Variants in SUMF1 observed in about 807,000 individuals in gnomAD.
The protein encoded by SUMF1 is formylglycine-generating enzyme.
Under a neutral mutation model 47.6 loss-of-function variants are expected in SUMF1, and 48 were observed. The observed-to-expected ratio is 1.01, with a 90% CI of 0.80 to 1.28. SUMF1 has a LOEUF of 1.28. SUMF1 is among the 50% of genes most tolerant of loss of function. SUMF1 has a pLI of 0.00. For missense variants in SUMF1, 571 were observed against 485.4 expected, an observed-to-expected ratio of 1.18 and a Z score of -1.66; for synonymous variants, 230 against 192.1, an observed-to-expected ratio of 1.20 and a Z score of -1.63.
intron 7 of SUMF1, among the ~76,000 whole-genome samples, chr3:4,386,310 C>T (rs892135251): frequency 1.3e-5 from 2 of 152,124 alleles, no homozygotes; most frequent in Non-Finnish European, 2.9e-5. Flanking sequence ...GCTTTTAGCA[C>T]ACATGTACTA....
intron 8 of SUMF1, among the ~76,000 whole-genome samples, chr3:4,107,963 A>G (rs537902731): frequency 3.3e-4 from 50 of 152,230 alleles, no homozygotes; most frequent in African/African-American, 1.2e-3. Flanking sequence ...AAAGAAAGAG[A>G]TAAGGAGGTC....
At chr3:4,210,151 T>A (rs948407137) in intron 8 of SUMF1, among the ~76,000 whole-genome samples, 2 of 152,144 alleles carry the variant, frequency 1.3e-5, no homozygotes, top group Non-Finnish European at 2.9e-5. Context: ...TGCCTCAGCC[T>A]CCCAAAGTGC....
intron 8 of SUMF1, among the ~76,000 whole-genome samples, chr3:4,142,031 C>A (rs1033316858): frequency 6.6e-6 from 1 of 152,074 alleles, no homozygotes; most frequent in African/African-American, 2.4e-5. Context: ...TAACTGTGTG[C>A]ATGAATGATT....
intron 9 of SUMF1, among the ~76,000 whole-genome samples, chr3:4,044,967 C>T (rs188380400): frequency 2.4e-4 from 37 of 152,274 alleles, no homozygotes; most frequent in Admixed American, 1.1e-3. Context: ...AGTCCAACAA[C>T]CAGCTCTGCA....
chr3:4,290,124 A>G (rs1203818768), intron 8 of SUMF1, among the ~76,000 whole-genome samples: 1 of 152,222 alleles, frequency 6.6e-6, no homozygotes, highest in East Asian at 1.9e-4. Flanking sequence ...CTTAAAAGAC[A>G]TACCCAATTT....
At position 4,383,159 on chromosome 3, in the gene SUMF1, A is replaced by G. The variant is rs144667742; in HGVS notation, c.955-6770T>C. Among the ~76,000 whole-genome samples the G allele has an allele frequency of 5.6e-3, 849 of 152,158 alleles. 7 individuals are homozygous for G. The highest frequency in any genetic ancestry group is 0.02 in the African/African-American group (810 of 41,452). ...TTTGGGAGGCCAAGGCAGACGGATC[A>G]CTGGAGGTCAGGAGCTCAAGACCAT... is the stretch of plus-strand genomic sequence containing the variant. On this transcript the variant is annotated intron_variant, in intron 7 of 8. Coordinates refer to ENST00000272902, the MANE Select transcript of SUMF1 (RefSeq NM_182760.4).
At position 4,384,028 on chromosome 3, in the gene SUMF1, C is replaced by T. The variant is rs192961187; in HGVS notation, c.955-7639G>A. ...ACCATTATTGCTTTAAACAATCTTA[C>T]GTTTTTAAAAGGAATGAAGTGAAAA... On this transcript the variant is annotated intron_variant, in intron 7 of 8. Coordinates refer to ENST00000272902, the MANE Select transcript of SUMF1 (RefSeq NM_182760.4). Among the ~76,000 whole-genome samples, 8 of 142,972 alleles carry T rather than the reference C, an allele frequency of 5.6e-5. No homozygotes were observed. The South Asian group carries it at 8.6e-4, about 15-fold the overall frequency. The allele number at this position is 142,972 out of a possible 152,430, so 93.8% of individuals were successfully genotyped here.
chr3:4,271,466 TATAGATAGATAGATAGATAG>T (rs3048196), intron 8 of SUMF1, among the ~76,000 whole-genome samples: 47 of 108,484 alleles, frequency 4.3e-4, no homozygotes, highest in African/African-American at 7.1e-4. Flanking sequence ...TTATACTATC[TATAGATAGATAGATAGATAG>T]ATAGATAGAT....
At chr3:4,116,988 C>T (rs921864826) in intron 8 of SUMF1, among the ~76,000 whole-genome samples, 2 of 152,002 alleles carry the variant, frequency 1.3e-5, no homozygotes, top group Non-Finnish European at 1.5e-5. Flanking sequence ...CAAAACAAAG[C>T]TCTACTTATA....
intron 9 of SUMF1, among the ~76,000 whole-genome samples, chr3:4,062,929 A>G (rs1289075351): frequency 6.6e-6 from 1 of 152,130 alleles, no homozygotes; most frequent in Non-Finnish European, 1.5e-5. Flanking sequence ...GGCCTGCTTG[A>G]TGGCCACCAG....
At chr3:4,369,691 G>A (rs180968899) in intron 8 of SUMF1, among the ~76,000 whole-genome samples, 7 of 152,288 alleles carry the variant, frequency 4.6e-5, no homozygotes, top group Admixed American at 3.9e-4. Flanking sequence ...GCCAATACAG[G>A]TTGCTTAAAT....
rs573542864 is a variant in SUMF1, at chr3:4,088,509, G to A, written c.1015-19764C>T. Among the ~76,000 whole-genome samples the A allele has an allele frequency of 1.1e-4, 16 of 151,976 alleles. No homozygotes were observed. In the South Asian group the frequency reaches 2.1e-3, roughly 20 times the overall value. ...CCACAAACACCACTAATATCACCAC[G>A]TCTCTACTTCTTCCCTCTCCTCCCT... On this transcript the variant is annotated intron_variant and NMD_transcript_variant, in intron 8 of 12. Transcript: ENST00000448413.
intron 8 of SUMF1, chr3:4,312,876 A>T (rs1307135479): frequency 6.3e-7 from 1 of 1,589,122 alleles, no homozygotes; most frequent in Non-Finnish European, 8.6e-7. Flanking sequence ...GTGCTGACTT[A>T]CAGTGTGTAT....
At chr3:4,044,790 C>T (rs1034019411) in intron 9 of SUMF1, among the ~76,000 whole-genome samples, 1 of 152,196 alleles carries the variant, frequency 6.6e-6, no homozygotes, top group African/African-American at 2.4e-5. Flanking sequence ...CTTTTGGCTG[C>T]CTTGCAGGCA....
rs545271418 is a variant in SUMF1 at position 4,172,335 on chromosome 3, C to T, written c.1015-103590G>A. ...AGAGACATGCAGGAAATATGATAAG[C>T]TTGATTTTAGACACGTTGAGTTTTT... On this transcript the variant is annotated intron_variant and NMD_transcript_variant, in intron 8 of 12. Transcript: ENST00000448413. Among the ~76,000 whole-genome samples the T allele has an allele frequency of 5.1e-4, 77 of 152,066 alleles. 1 individual carries two copies. The highest frequency in any genetic ancestry group is 1.1e-3 in the Non-Finnish European group (74 of 68,010).
intron 8 of SUMF1, among the ~76,000 whole-genome samples, chr3:4,094,150 G>A (rs1692849015): frequency 6.6e-6 from 1 of 152,098 alleles, no homozygotes; most frequent in Non-Finnish European, 1.5e-5. Context: ...ATGACCTTGA[G>A]TGTAGCTTGA....
intron 5 of SUMF1, among the ~76,000 whole-genome samples, chr3:4,417,783 C>T (rs535185459): frequency 6.6e-6 from 1 of 152,330 alleles, no homozygotes; most frequent in African/African-American, 2.4e-5. Flanking sequence ...CTAAGACTTG[C>T]TTTGGGGCTG....
chr3:4,162,918 G>GT (rs1694611884), intron 8 of SUMF1, among the ~76,000 whole-genome samples: 1 of 146,774 alleles, frequency 6.8e-6, no homozygotes, highest in Non-Finnish European at 1.5e-5. Flanking sequence ...AAAAAAAAAG[G>GT]TTTTGAAAGT....
At chr3:4,393,038 G>A (rs139374434) in intron 7 of SUMF1, among the ~76,000 whole-genome samples, 2 of 152,182 alleles carry the variant, frequency 1.3e-5, no homozygotes, top group Admixed American at 1.3e-4. Flanking sequence ...GCTCTCTTGG[G>A]TCTTCCCTGC....
Sources: gnomAD v4.1 joint callset for allele counts (sites outside exome capture counted in the v4.1 genomes callset) on GRCh38, gnomAD v4.1.1 for gene constraint, MANE v1.5 for transcripts, NCBI Gene and HGNC (gene_info 2026-07-23, HGNC 2026-07-21) for gene names.